The following TEX35 variants were observed in gnomAD, a reference collection of about 807,000 sequenced individuals.
TEX35 encodes the protein testis expressed 35, also known as testis-expressed protein 35.
A neutral mutation model predicts 31.9 loss-of-function variants in TEX35; 26 were observed. The ratio of observed to expected loss-of-function variants is 0.81; its 90% CI spans 0.60 to 1.13. TEX35 has a LOEUF of 1.13. Ranked by LOEUF, TEX35 falls within the 50% of genes most tolerant of loss-of-function variation. TEX35 has a pLI of 0.00. For synonymous variants in TEX35, 87 were observed against 90.7 expected (o/e 0.96, Z 0.23); for missense variants, 278 against 273.5 (o/e 1.02, Z -0.12).
At chr1:178,517,511 A>G (rs1011498876) in intron 5 of TEX35, among the ~76,000 whole-genome samples, 1 of 152,170 alleles carries the variant, frequency 6.6e-6, no homozygotes, top group African/African-American at 2.4e-5. Context: ...TGCACATTAT[A>G]ATCACCTGGA....
Position 178,515,903 on chromosome 1 carries a change from G to A in TEX35, c.204G>A (p.Glu68=), listed in dbSNP as rs985054862. ...GAGAAGAGCTCAAGGAGAAAATGGA[G>A]GAGATAAAACAGGTAAGAAGATGAG... is the stretch of plus-strand genomic sequence containing the variant. ...EVREELKEKM[E]EIKQIKDLMD... is the part of the protein sequence containing the mutation. Residue 68 remains glutamate (E), a synonymous_variant, in exon 4 of 9, where the codon GAG becomes GAA. Coordinates refer to ENST00000319416, the MANE Select transcript of TEX35 (RefSeq NM_032126.5). 2 of 1,612,588 alleles carry A rather than the reference G, an allele frequency of 1.2e-6. No homozygotes were observed. The highest frequency in any genetic ancestry group is 1.3e-5 in the African/African-American group (1 of 74,902).
chr1:178,520,363 C>T lies in TEX35; in HGVS notation c.277-9C>T. On this transcript the variant is annotated splice_polypyrimidine_tract_variant and intron_variant, in intron 5 of 8. Transcript: ENST00000319416. ...AATGAAGATGCTAGTTCTGAATTCT[C>T]TCTCGAAGGAAATGCAGAAAGATAT... 6.2e-7 allele frequency: 1 copy of T among 1,612,492 alleles called. No homozygotes were observed. Among genetic ancestry groups the T allele is most frequent in the African/African-American group, 1.3e-5 (1 of 74,964 alleles).
intron 1 of TEX35, 109 bp from the exon 2 acceptor site, chr1:178,513,918 G>C: frequency 7.6e-7 from 1 of 1,312,714 alleles, no homozygotes; most frequent in South Asian, 1.4e-5. Flanking sequence ...GACAGGCAGG[G>C]TTGCATGGTT....
intron 3 of TEX35, among the ~76,000 whole-genome samples, chr1:178,515,603 C>A (rs181418120): frequency 6.6e-6 from 1 of 151,682 alleles, no homozygotes; most frequent in Non-Finnish European, 1.5e-5. Context: ...GTGGGGGTCT[C>A]GCTATGTTGC....
intron 1 of TEX35, 34 bp downstream of exon 1, chr1:178,513,261 C>G (rs375638115): frequency 9.9e-6 from 16 of 1,613,312 alleles, no homozygotes; most frequent in Middle Eastern, 1.6e-4. Flanking sequence ...AGTGTGGGTC[C>G]TCTCTGAGCT....
At chr1:178,516,504 C>A in intron 4 of TEX35, 111 bp from the exon 5 acceptor site, 3 of 874,498 alleles carry the variant, frequency 3.4e-6, no homozygotes, top group Admixed American at 2.0e-5. Context: ...ATTATTAGTC[C>A]ATGCCAGAGA....
At chr1:178,520,997 G>T in intron 7 of TEX35, 123 bp downstream of exon 7, 1 of 1,545,624 alleles carries the variant, frequency 6.5e-7, no homozygotes, top group Non-Finnish European at 8.7e-7. Context: ...GCTGACTTCT[G>T]GGTGCCGCCC....
chr1:178,513,308 A>C, intron 1 of TEX35, 81 bp downstream of exon 1: 2 of 1,546,736 alleles, frequency 1.3e-6, no homozygotes, highest in Non-Finnish European at 1.8e-6. Flanking sequence ...CAAGGGATAC[A>C]GAGAATGCTC....
In TEX35 at chr1:178,522,348, G is replaced by T; in HGVS notation, c.610G>T (p.Gly204Cys). The T allele has an allele frequency of 6.2e-7, 1 of 1,603,574 alleles. No individual in the cohort carries two copies. Among genetic ancestry groups the T allele is most frequent in the South Asian group, 1.1e-5 (1 of 88,622 alleles). ...NRGNIPSEAS[G>C]LYKGGEEPVT... is the part of the protein sequence containing the mutation. The stretch of plus-strand genomic sequence containing the variant: ...AGGGAACATTCCTTCAGAGGCCTCA[G>T]GCCTTTACAAAGGTGGAGAGGAGCC... Residue 204 changes from glycine (G) to cysteine (C), a missense_variant, in exon 9 of 9, where the codon GGC becomes TGC. Gly to Cys is a radical substitution (Grantham distance 159). Transcript: ENST00000319416.
At position 178,514,092 on chromosome 1, in the gene TEX35, T is replaced by G. The variant is rs1488480554; in HGVS notation, c.90+15T>G. On this transcript the variant is annotated intron_variant, in intron 2 of 8. Transcript: ENST00000319416. ...AGCCGACCAAAGTAAGAAGCCCTTT[T>G]GAGGCCATGCAGGCAGCCAGGCCTG... The G allele has an allele frequency of 6.2e-7, 1 of 1,614,204 alleles. No homozygotes were observed. The highest frequency in any genetic ancestry group is 2.2e-5 in the East Asian group (1 of 44,882).
At chr1:178,513,771 G>A (rs368595207) in intron 1 of TEX35, among the ~76,000 whole-genome samples, 9 of 152,358 alleles carry the variant, frequency 5.9e-5, no homozygotes, top group Admixed American at 1.3e-4. Context: ...CCACGCTGGC[G>A]CCTCCAGCAG....
chr1:178,520,803 A>G lies in TEX35; in HGVS notation c.472A>G (p.Lys158Glu), dbSNP rs1404055532. ...GVNGAPCALHKKTMAPQKTKQ... is the reference protein window; with the variant it reads ...GVNGAPCALHEKTMAPQKTKQ... Reference sequence around the variant, plus strand: ...CAATGGAGCACCCTGTGCTCTTCACAAGAAGACGATGGCACCACAAAAAAC... The same window carrying G: ...CAATGGAGCACCCTGTGCTCTTCACGAGAAGACGATGGCACCACAAAAAAC... Residue 158 changes from lysine to glutamate, a missense_variant, in exon 7 of 9, where the codon AAG (lysine) becomes GAG (glutamate). Lys to Glu is a moderately conservative substitution (Grantham distance 56). Coordinates refer to ENST00000319416, the MANE Select transcript of TEX35 (RefSeq NM_032126.5). 1 of 1,613,976 alleles carries G rather than the reference A, an allele frequency of 6.2e-7. No homozygotes were observed. The highest frequency in any genetic ancestry group is 8.5e-7 in the Non-Finnish European group (1 of 1,180,026).
chr1:178,513,772 C>T (rs1226338415), intron 1 of TEX35, among the ~76,000 whole-genome samples: 1 of 152,258 alleles, frequency 6.6e-6, no homozygotes, highest in Non-Finnish European at 1.5e-5. Flanking sequence ...CACGCTGGCG[C>T]CTCCAGCAGG....
chr1:178,515,781 T>C, intron 3 of TEX35, 78 bp from the exon 4 acceptor site: 2 of 1,168,522 alleles, frequency 1.7e-6, no homozygotes, highest in Non-Finnish European at 2.5e-6. Flanking sequence ...CCAGGATCTT[T>C]CCTTTCCTCC....
intron 1 of TEX35, among the ~76,000 whole-genome samples, 192 bp from the exon 2 acceptor site, chr1:178,513,835 A>G (rs935141507): frequency 3.3e-5 from 5 of 152,236 alleles, no homozygotes; most frequent in African/African-American, 1.2e-4. Context: ...AGAGGACAGC[A>G]CGACAAGATG....
chr1:178,514,183 C>G, intron 2 of TEX35, 106 bp downstream of exon 2: 1 of 1,599,372 alleles, frequency 6.3e-7, no homozygotes. Context: ...AGATTTGTCC[C>G]AGGTGCTGGG....
At chr1:178,522,120 C>A (rs1572178796) in intron 8 of TEX35, 2 of 743,248 alleles carry the variant, frequency 2.7e-6, no homozygotes, top group Non-Finnish European at 4.2e-6. Context: ...TCAGCCTCCA[C>A]CTGTGCATGG....
rs1189939183 is a variant in TEX35 at position 178,520,360 on chromosome 1, T to C, written c.277-12T>C. The C allele has an allele frequency of 1.2e-6, 2 of 1,612,178 alleles. No homozygotes were observed. Among genetic ancestry groups the C allele is most frequent in the Admixed American group, 3.3e-5 (2 of 59,742 alleles). On this transcript the variant is annotated splice_polypyrimidine_tract_variant and intron_variant, in intron 5 of 8. Transcript: ENST00000319416. ...CAAAATGAAGATGCTAGTTCTGAAT[T>C]CTCTCTCGAAGGAAATGCAGAAAGA... is the stretch of plus-strand genomic sequence containing the variant.
At chr1:178,521,517 A>G (rs1291925668) in intron 8 of TEX35, 1 of 1,215,876 alleles carries the variant, frequency 8.2e-7, no homozygotes, top group Non-Finnish European at 1.2e-6. Flanking sequence ...CTAGTGGCGG[A>G]ACTGACCTTG....
Sources: allele counts gnomAD v4.1 joint callset (sites outside exome capture counted in the v4.1 genomes callset), GRCh38; gene constraint gnomAD v4.1.1; transcripts MANE v1.5; gene names NCBI Gene and HGNC (gene_info 2026-07-23, HGNC 2026-07-21).